The following PIK3R3 variants were observed in gnomAD, a reference collection of about 807,000 sequenced individuals.
PIK3R3 encodes the protein phosphoinositide-3-kinase regulatory subunit 3.
PIK3R3 carries 64 observed loss-of-function variants against 62.9 expected under a neutral mutation model. The ratio of observed to expected loss-of-function variants is 1.02; its 90% CI spans 0.83 to 1.25. The LOEUF is 1.25. Among genes scored for constraint, PIK3R3 ranks in the 50% most tolerant of loss-of-function variants. The pLI is 0.00. For missense variants in PIK3R3, 614 were observed against 561.6 expected (o/e 1.09, Z -0.94); for synonymous variants, 165 against 189.0 (o/e 0.87, Z 1.04).
In PIK3R3 at chr1:46,131,962, A is replaced by G. The variant is rs1655646599; in HGVS notation, c.-10T>C. On this transcript the variant is annotated 5_prime_UTR_variant, in exon 1 of 10. An upstream open reading frame in the 5' UTR loses its in-frame stop. Coordinates refer to ENST00000262741, the MANE Select transcript of PIK3R3 (RefSeq NM_003629.4). ...ACACCGTATTGTACATCGCGCTGTC[A>G]GGGGCAGGTCGCCAGGAGATATATA... The G allele has an allele frequency of 1.2e-6, 2 of 1,613,536 alleles. No individual in the cohort carries two copies. Among genetic ancestry groups the G allele is most frequent in the Non-Finnish European group, 1.7e-6 (2 of 1,179,876 alleles).
At chr1:46,146,971 C>T in the PIK3R3 span, among the ~76,000 whole-genome samples, 1 of 152,130 alleles carries the variant, frequency 6.6e-6, no homozygotes, top group Admixed American at 6.6e-5. Context: ...GTAGCCTCTA[C>T]TAGAAGCAAC....
intron 7 of PIK3R3, among the ~76,000 whole-genome samples, chr1:46,051,189 G>C (rs772279089): frequency 1.3e-5 from 2 of 151,900 alleles, no homozygotes; most frequent in Non-Finnish European, 2.9e-5. Flanking sequence ...AACTGTATGC[G>C]ATGTAAACTG....
the PIK3R3 span, among the ~76,000 whole-genome samples, chr1:46,167,710 A>G: frequency 6.6e-6 from 1 of 152,176 alleles, no homozygotes; most frequent in Non-Finnish European, 1.5e-5. Context: ...CCTGACCTCA[A>G]GTCCTGGCCC....
Position 46,043,707 on chromosome 1 carries a change from G to A in PIK3R3, c.1352C>T (p.Pro451Leu). The A allele has an allele frequency of 6.2e-7, 1 of 1,614,246 alleles. No individual in the cohort carries two copies. The highest frequency in any genetic ancestry group is 1.1e-5 in the South Asian group (1 of 91,086). Residue 451 changes from proline to leucine, a missense_variant, in exon 10 of 10, where the codon CCT (proline) becomes CTT (leucine). Pro to Leu is a moderately conservative substitution (Grantham distance 98, BLOSUM62 -3). Transcript: ENST00000262741. ...AAGCGAGGGCATCTGTGCATGAACA[G>A]GGTAGGCAAGCCTGACGTTGAGGGA... ...NDSLNVRLAY[P>L]VHAQMPSLCR is the part of the protein sequence containing the mutation.
intron 1 of PIK3R3, among the ~76,000 whole-genome samples, chr1:46,113,007 C>T (rs1653869843): frequency 6.6e-6 from 1 of 152,170 alleles, no homozygotes; most frequent in South Asian, 2.1e-4. Flanking sequence ...ACTTTTTAAA[C>T]AACTCTACTA....
chr1:46,047,081 C>A lies in PIK3R3; in HGVS notation c.942-456G>T, dbSNP rs114196842. On this transcript the variant is annotated intron_variant, in intron 7 of 9. Transcript: ENST00000262741. ...AGATCTATTTTTGCATTTAAGCAGG[C>A]CACAAGAAATTCAGGGTGGCAATCT... 1,486 of 155,788 alleles carry A rather than the reference C, an allele frequency of 9.5e-3. 34 individuals are homozygous for A. The highest frequency in any genetic ancestry group is 0.047 in the Admixed American group (729 of 15,396). The allele number at this position is 155,788 out of a possible 1,614,324, so 9.7% of individuals were successfully genotyped here.
the PIK3R3 span, among the ~76,000 whole-genome samples, chr1:46,165,811 G>C: frequency 9.9e-6 from 1 of 100,928 alleles, no homozygotes; most frequent in Admixed American, 1.6e-4. Flanking sequence ...TCACTCTGTA[G>C]CCCAGGTTGG....
chr1:46,053,629 C>A (rs1471264337), intron 7 of PIK3R3, among the ~76,000 whole-genome samples: 2 of 152,082 alleles, frequency 1.3e-5, no homozygotes, highest in Non-Finnish European at 2.9e-5. Context: ...GATCCTCACC[C>A]CTCACCAGAC....
rs1647104105 is a variant in PIK3R3 at position 46,045,940 on chromosome 1, C to T, written c.1165G>A (p.Gly389Arg). Residue 389 changes from glycine (G) to arginine (R), a missense_variant, in exon 9 of 10, where the codon GGA (glycine) becomes AGA (arginine). Transcript: ENST00000262741. ...TACACCACAGAGCAAGCATAGCATC[C>T]TTTCTTGCTACTCTCACGAATTAAG... The part of the protein sequence containing the change: ...AFLIRESSKK[G>R]CYACSVVADG... 2 of 1,613,272 alleles carry T rather than the reference C, an allele frequency of 1.2e-6. No homozygotes were observed. Among genetic ancestry groups the T allele is most frequent in the South Asian group, 2.2e-5 (2 of 91,016 alleles).
intron 1 of PIK3R3, among the ~76,000 whole-genome samples, chr1:46,130,829 A>T (rs1389278783): frequency 6.6e-6 from 1 of 152,230 alleles, no homozygotes; most frequent in Non-Finnish European, 1.5e-5. Context: ...ATTCAGAATC[A>T]TTACATAAAA....
At chr1:46,141,099 G>A in the PIK3R3 span, among the ~76,000 whole-genome samples, 167 of 151,600 alleles carry the variant, frequency 1.1e-3, no homozygotes, top group Middle Eastern at 3.4e-3. Context: ...TGCTCAAGGG[G>A]TCGTCCCACC....
Position 46,043,800 on chromosome 1 carries a change from T to C in PIK3R3, c.1259A>G (p.Asn420Ser), listed in dbSNP as rs751448028. The C allele has an allele frequency of 6.2e-6, 10 of 1,613,902 alleles. No individual in the cohort carries two copies. Among genetic ancestry groups the C allele is most frequent in the East Asian group, 2.2e-5 (1 of 44,886 alleles). Residue 420 changes from asparagine to serine, a missense_variant, in exon 10 of 10, where the codon AAC becomes AGC. Physicochemically the swap from Asn to Ser is conservative, Grantham distance 46 (BLOSUM62 1). Transcript: ENST00000262741. ...ARGYGFAEPY[N>S]LYSSLKELVL... is the part of the protein sequence containing the mutation. ...TAGCTCCTTCAGAGAGCTGTACAGG[T>C]TGTAGGGCTCTGCAAAGCCATAGCC...
In PIK3R3 at chr1:46,127,360, T is replaced by A. The variant is rs867758035; in HGVS notation, c.106+4487A>T. Among the ~76,000 whole-genome samples, 362 of 144,686 alleles carry A rather than the reference T, an allele frequency of 2.5e-3. 2 individuals carry two copies. The highest frequency in any genetic ancestry group is 8.7e-3 in the African/African-American group (344 of 39,672). 94.9% of individuals were successfully genotyped at this position (144,686 alleles called of 152,430 possible). A position where few individuals can be genotyped will look rare whatever the true frequency, so the allele number is the denominator to read the frequency against. ...CCTGCCTCAAAAAAAAAAAAAAATA[T>A]ATATATATATACATAATTTCAGAAG... On this transcript the variant is annotated intron_variant, in intron 1 of 9. Transcript: ENST00000262741.
intron 1 of PIK3R3, among the ~76,000 whole-genome samples, chr1:46,120,531 C>T (rs905419769): frequency 6.6e-5 from 10 of 152,116 alleles, no homozygotes; most frequent in Non-Finnish European, 1.3e-4. Context: ...TGAGATCGTG[C>T]CACTGCATTC....
Position 46,044,254 on chromosome 1 carries a change from A to G in PIK3R3, c.1188-383T>C, listed in dbSNP as rs1305614789. Among the ~76,000 whole-genome samples the G allele has an allele frequency of 6.6e-6, 1 of 151,154 alleles. No individual in the cohort carries two copies. The highest frequency in any genetic ancestry group is 1.5e-5 in the Non-Finnish European group (1 of 67,730). ...CATGCCCAGCTACTTTTTTATTTTTAGTAGAAATGGGGTCTTGCTATGTTG... is the reference window on the plus strand; with the variant it reads ...CATGCCCAGCTACTTTTTTATTTTTGGTAGAAATGGGGTCTTGCTATGTTG... On this transcript the variant is annotated intron_variant, in intron 9 of 9. Transcript: ENST00000262741. The surrounding 1 kb of genome is among the most constrained non-coding windows in gnomAD (Gnocchi z 4.2).
upstream of PIK3R3, chr1:46,132,901 C>G (rs1655753602): frequency 8.4e-7 from 1 of 1,188,788 alleles, no homozygotes; most frequent in African/African-American, 1.6e-5. Context: ...CGCTCTCCCC[C>G]AGCCTCAATC....
chr1:46,066,020 CACATATTAGTCAAAAACA>C lies in PIK3R3; in HGVS notation c.621+16_621+33del, dbSNP rs1557572514. ...AATTTGATGTAACTAAAACATTGCA[CACATATTAGTCAAAAACA>C]ACATAATATACCAACCTGGGATGTT... On this transcript the variant is annotated intron_variant, in intron 5 of 9. Coordinates refer to ENST00000262741, the MANE Select transcript of PIK3R3 (RefSeq NM_003629.4). 1 of 1,585,830 alleles carries C rather than the reference CACATATTAGTCAAAAACA, an allele frequency of 6.3e-7. No individual in the cohort carries two copies. Among genetic ancestry groups the C allele is most frequent in the Non-Finnish European group, 8.7e-7 (1 of 1,155,638 alleles).
chr1:46,170,500 A>C, the PIK3R3 span, among the ~76,000 whole-genome samples: 210 of 152,270 alleles, frequency 1.4e-3, no homozygotes, highest in African/African-American at 4.5e-3. Flanking sequence ...GGCTCACTGC[A>C]ACCTCTGCCT....
At chr1:46,101,953 T>A (rs192323203) in intron 1 of PIK3R3, among the ~76,000 whole-genome samples, 1 of 150,916 alleles carries the variant, frequency 6.6e-6, no homozygotes. Flanking sequence ...ATTAACAATG[T>A]AATGTATCAA....
Sources: gnomAD v4.1 joint callset for allele counts (sites outside exome capture counted in the v4.1 genomes callset) on GRCh38, gnomAD v4.1.1 for gene constraint, Gnocchi (gnomAD v3.1) non-coding constraint, MANE v1.5 for transcripts, NCBI Gene and HGNC (gene_info 2026-07-23, HGNC 2026-07-21) for gene names.